The following CATSPERE variants were observed in gnomAD, a reference collection of about 807,000 sequenced individuals.
The protein encoded by CATSPERE is cation channel sperm-associated auxiliary subunit epsilon.
CATSPERE carries 93 observed loss-of-function variants against 114.1 expected under a neutral mutation model. That is an observed-to-expected ratio of 0.81 (90% CI 0.69 to 0.97). CATSPERE has a LOEUF of 0.97. Ranked by LOEUF, CATSPERE falls within the 50% of genes least tolerant of loss-of-function variation. The pLI is 0.00. For synonymous variants in CATSPERE, 341 were observed against 384.1 expected (o/e 0.89, Z 1.31); for missense variants, 1,058 against 1,131.6 (o/e 0.93, Z 0.93).
At chr1:244,512,013 G>A (rs535050332) in intron 7 of CATSPERE, among the ~76,000 whole-genome samples, 8 of 152,222 alleles carry the variant, frequency 5.3e-5, no homozygotes, top group African/African-American at 1.9e-4. Context: ...CATGTACCTT[G>A]GAGAAAACCT....
chr1:244,489,450 A>ATTTTTTTTTTT lies in CATSPERE; in HGVS notation c.327-976_327-966dup, dbSNP rs10524749. On this transcript the variant is annotated intron_variant, in intron 5 of 21. Transcript: ENST00000366534. ...CTTGCAGTATTAAGGAAGCATGCAG[A>ATTTTTTTTTTT]TTTTTTTTTTTTTTTTTTTTTTTTT... 2.0e-4 allele frequency among the ~76,000 whole-genome samples: 17 copies of ATTTTTTTTTTT among 85,564 alleles called. 1 individual carries two copies. Among genetic ancestry groups the ATTTTTTTTTTT allele is most frequent in the African/African-American group, 6.8e-4 (15 of 22,120 alleles). 56.1% of individuals were successfully genotyped at this position (85,564 alleles called of 152,430 possible).
chr1:244,601,781 C>T (rs1469837948), intron 17 of CATSPERE, among the ~76,000 whole-genome samples: 1 of 152,042 alleles, frequency 6.6e-6, no homozygotes, highest in Non-Finnish European at 1.5e-5. Context: ...GGTGAAACCC[C>T]GTCTCTACTA....
At chr1:244,489,370 A>G (rs2148213072) in intron 5 of CATSPERE, among the ~76,000 whole-genome samples, 1 of 151,364 alleles carries the variant, frequency 6.6e-6, no homozygotes, top group African/African-American at 2.4e-5. Flanking sequence ...TTTTATGCAG[A>G]ATGACAATAT....
At chr1:244,474,085 G>A (rs545568224) in intron 2 of CATSPERE, among the ~76,000 whole-genome samples, 26 of 151,690 alleles carry the variant, frequency 1.7e-4, no homozygotes, top group African/African-American at 6.0e-4. Flanking sequence ...AGACTGGATT[G>A]CAATGGCGTG....
At chr1:244,631,969 G>A (rs1674001812) in intron 20 of CATSPERE, among the ~76,000 whole-genome samples, 1 of 152,224 alleles carries the variant, frequency 6.6e-6, no homozygotes, top group Admixed American at 6.5e-5. Context: ...AAATGAGGCT[G>A]AGGTGGGAGG....
intron 19 of CATSPERE, among the ~76,000 whole-genome samples, chr1:244,612,035 C>T (rs1284019294): frequency 2.0e-5 from 3 of 152,034 alleles, no homozygotes; most frequent in South Asian, 2.1e-4. Context: ...CTGGGGACTG[C>T]GTTTCAGAGC....
intron 7 of CATSPERE, 47 bp from the exon 8 acceptor site, chr1:244,518,545 T>G (rs771089086): frequency 8.7e-7 from 1 of 1,149,530 alleles, no homozygotes; most frequent in Admixed American, 1.8e-5. Context: ...ATCAAAATAC[T>G]TTAGCTATGA....
At chr1:244,502,208 G>A (rs1674152525) in intron 7 of CATSPERE, among the ~76,000 whole-genome samples, 2 of 152,024 alleles carry the variant, frequency 1.3e-5, no homozygotes, top group African/African-American at 4.8e-5. Context: ...GTTTTACAAT[G>A]TGTTTTTCTG....
chr1:244,479,689 TCA>T (rs754145996), intron 4 of CATSPERE, 26 bp from the exon 5 acceptor site: 8 of 1,430,832 alleles, frequency 5.6e-6, no homozygotes, highest in Non-Finnish European at 7.8e-6. Context: ...TGTTAATATA[TCA>T]CAGTTTCTTT....
chr1:244,531,826 A>G (rs1679650052), intron 8 of CATSPERE, among the ~76,000 whole-genome samples: 1 of 152,206 alleles, frequency 6.6e-6, no homozygotes, highest in South Asian at 2.1e-4. Flanking sequence ...TTTGGTATCA[A>G]GGTAATACTG....
intron 5 of CATSPERE, among the ~76,000 whole-genome samples, chr1:244,485,340 C>T (rs1275820869): frequency 1.3e-5 from 2 of 151,976 alleles, no homozygotes; most frequent in African/African-American, 4.8e-5. Context: ...CACCACCACA[C>T]CTGGCCAATT....
At chr1:244,616,673 T>G (rs1671438316) in intron 19 of CATSPERE, among the ~76,000 whole-genome samples, 1 of 152,202 alleles carries the variant, frequency 6.6e-6, no homozygotes, top group South Asian at 2.1e-4. Flanking sequence ...TTGATGAAGG[T>G]AGTGCCCCTG....
At chr1:244,466,632 C>A (rs935558755) in intron 2 of CATSPERE, among the ~76,000 whole-genome samples, 2 of 152,160 alleles carry the variant, frequency 1.3e-5, no homozygotes, top group Admixed American at 1.3e-4. Context: ...CTAGATATTT[C>A]AAGCAGAAAT....
chr1:244,585,842 C>G (rs1296281957), intron 13 of CATSPERE, among the ~76,000 whole-genome samples: 2 of 152,240 alleles, frequency 1.3e-5, no homozygotes, highest in Non-Finnish European at 2.9e-5. Flanking sequence ...ACTTTTTAAC[C>G]ATGCACCAAG....
chr1:244,621,143 T>TAG (rs1178283029), intron 20 of CATSPERE, among the ~76,000 whole-genome samples: 41 of 105,762 alleles, frequency 3.9e-4, no homozygotes, highest in African/African-American at 1.1e-3. Flanking sequence ...ATATAAAATA[T>TAG]ATATATTATA....
At chr1:244,530,299 A>AGG (rs1324629832) in intron 8 of CATSPERE, among the ~76,000 whole-genome samples, 2 of 152,042 alleles carry the variant, frequency 1.3e-5, no homozygotes, top group African/African-American at 4.8e-5. Context: ...ATATGTGCTT[A>AGG]CTACCTTTCT....
In CATSPERE at chr1:244,572,831, A is replaced by C. The variant is rs562963907; in HGVS notation, c.1950+59A>C. 70 of 1,136,584 alleles carry C rather than the reference A, an allele frequency of 6.2e-5. No individual in the cohort carries two copies. In the South Asian group the frequency reaches 1.4e-3, roughly 22 times the overall value. 70.4% of individuals were successfully genotyped at this position (1,136,584 alleles called of 1,614,324 possible). A position where few individuals can be genotyped will look rare whatever the true frequency, so the allele number is the denominator to read the frequency against. On this transcript the variant is annotated intron_variant, in intron 11 of 21. Coordinates refer to ENST00000366534, the MANE Select transcript of CATSPERE (RefSeq NM_001130957.2). ...TTAATAAGTATAAAAGTATAATATT[A>C]ACATTTTTGTAAATGGATTTCCCTT...
chr1:244,455,235 C>T (rs983971539), intron 1 of CATSPERE, among the ~76,000 whole-genome samples: 9 of 152,054 alleles, frequency 5.9e-5, no homozygotes, highest in African/African-American at 2.2e-4. Flanking sequence ...TGTAACTTTG[C>T]CATTTATTGA....
rs572415988 is a variant in CATSPERE at position 244,511,226 on chromosome 1, C to G, written c.430-7366C>G. Reference sequence around the variant, plus strand: ...TATTATCTAATGACTTTCTTTGTCTCTTTTTATGGTTTTTGACTTAAAGTC... The same window carrying G: ...TATTATCTAATGACTTTCTTTGTCTGTTTTTATGGTTTTTGACTTAAAGTC... On this transcript the variant is annotated intron_variant, in intron 7 of 21. Transcript: ENST00000366534. Among the ~76,000 whole-genome samples the G allele has an allele frequency of 3.9e-5, 6 of 152,194 alleles. No homozygotes were observed. The South Asian group carries it at 1.2e-3, about 32-fold the overall frequency.
Sources: gnomAD v4.1 joint callset for allele counts (sites outside exome capture counted in the v4.1 genomes callset) on GRCh38, gnomAD v4.1.1 for gene constraint, MANE v1.5 for transcripts, NCBI Gene and HGNC (gene_info 2026-07-23, HGNC 2026-07-21) for gene names.